KLHL29: variants seen among roughly 807,000 people sequenced by gnomAD.
KLHL29 encodes the protein kelch like family member 29, also known as kelch-like protein 29.
Under a neutral mutation model 80.4 loss-of-function variants are expected in KLHL29, and 21 were observed. The ratio of observed to expected loss-of-function variants is 0.26; its 90% CI spans 0.19 to 0.38. The LOEUF (loss-of-function observed/expected upper bound fraction) is 0.38. Ranked by LOEUF, KLHL29 falls within the 10% of genes least tolerant of loss-of-function variation. KLHL29 has a pLI of 1.00. For missense variants in KLHL29, 867 were observed against 1,223.9 expected (o/e 0.71, Z 4.35); for synonymous variants, 511 against 526.8 (o/e 0.97, Z 0.41).
chr2:23,684,038 G>T lies in KLHL29; in HGVS notation c.941-361G>T, dbSNP rs1045744333. 1.3e-5 allele frequency among the ~76,000 whole-genome samples: 2 copies of T among 152,162 alleles called. 1 individual carries two copies. The highest frequency in any genetic ancestry group is 1.3e-4 in the Admixed American group (2 of 15,290). Reference sequence around the variant, plus strand: ...CATTGGCATTTGGAGAACTTGCTCCGTAGTTATTTGACAGTTTTTAGTTGT... The same window carrying T: ...CATTGGCATTTGGAGAACTTGCTCCTTAGTTATTTGACAGTTTTTAGTTGT... On this transcript the variant is annotated intron_variant, in intron 5 of 13. Transcript: ENST00000486442. The surrounding 1 kb of genome is among the most constrained non-coding windows in gnomAD (Gnocchi z 4.4).
intron 2 of KLHL29, among the ~76,000 whole-genome samples, chr2:23,496,170 C>G (rs1665261327): frequency 6.6e-6 from 1 of 152,218 alleles, no homozygotes; most frequent in Non-Finnish European, 1.5e-5. Flanking sequence ...CCCGCTGCAG[C>G]AGTGGGATAT....
chr2:23,655,290 G>A (rs975800611), intron 5 of KLHL29, among the ~76,000 whole-genome samples: 2 of 152,176 alleles, frequency 1.3e-5, no homozygotes, highest in African/African-American at 2.4e-5. Context: ...AAAGTTAATG[G>A]AGCCAGTCAT....
chr2:23,653,072 T>C (rs1670130285), intron 5 of KLHL29, among the ~76,000 whole-genome samples: 1 of 152,184 alleles, frequency 6.6e-6, no homozygotes, highest in African/African-American at 2.4e-5. Flanking sequence ...CCTTCCTCTC[T>C]GCTGATGGGA....
chr2:23,704,623 C>A (rs902658086), intron 13 of KLHL29, among the ~76,000 whole-genome samples: 7 of 152,166 alleles, frequency 4.6e-5, no homozygotes, highest in African/African-American at 1.7e-4. Flanking sequence ...AAAAATTTGC[C>A]AGGCGTGGTG....
At chr2:23,422,422 G>A (rs752598188) in intron 1 of KLHL29, among the ~76,000 whole-genome samples, 1 of 151,662 alleles carries the variant, frequency 6.6e-6, no homozygotes, top group Non-Finnish European at 1.5e-5. Context: ...TGTTGTGTGT[G>A]TGCCTGTGTG....
chr2:23,704,214 G>T (rs1048709002), intron 13 of KLHL29, among the ~76,000 whole-genome samples: 7 of 152,238 alleles, frequency 4.6e-5, no homozygotes, highest in African/African-American at 1.7e-4. Context: ...GGCCAGAGCT[G>T]TGTGATGCCC....
intron 2 of KLHL29, among the ~76,000 whole-genome samples, chr2:23,519,081 C>T (rs979702019): frequency 6.6e-6 from 1 of 152,134 alleles, no homozygotes; most frequent in Non-Finnish European, 1.5e-5. Context: ...CAGACCATGC[C>T]CTGGAATGCA....
At chr2:23,670,995 T>TCCCTCCC (rs1670727205) in intron 5 of KLHL29, among the ~76,000 whole-genome samples, 2 of 29,806 alleles carry the variant, frequency 6.7e-5, no homozygotes, top group African/African-American at 2.2e-4. Flanking sequence ...CCTCCCTCCC[T>TCCCTCCC]CCCTCCCCCC....
chr2:23,527,039 C>T (rs1049022434), intron 2 of KLHL29, among the ~76,000 whole-genome samples: 1 of 152,148 alleles, frequency 6.6e-6, no homozygotes, highest in African/African-American at 2.4e-5. Context: ...TGTTGTGTCA[C>T]TTCCCTGCTA....
At chr2:23,563,174 C>T (rs1667495015) in intron 3 of KLHL29, among the ~76,000 whole-genome samples, 1 of 152,240 alleles carries the variant, frequency 6.6e-6, no homozygotes, top group African/African-American at 2.4e-5. Flanking sequence ...TGGCTCCAGC[C>T]TTGGGAATGG....
Position 23,691,676 on chromosome 2 carries a change from C to T in KLHL29, c.1082C>T (p.Ser361Phe), listed in dbSNP as rs1197711391. Residue 361 changes from serine to phenylalanine, a missense_variant and splice_region_variant, in exon 7 of 14, where the codon TCC (serine) becomes TTC (phenylalanine). Transcript: ENST00000486442. The stretch of plus-strand genomic sequence containing the variant: ...GACACCCTGGTCTCTGTGCCTAGGT[C>T]CGTGCAAGACAGCGGCCAGGGCGGC... ...SLYFKDLIQRSVQDSGQGGRE... is the reference protein window; with the variant it reads ...SLYFKDLIQRFVQDSGQGGRE... 6.4e-7 allele frequency: 1 copy of T among 1,551,666 alleles called. No individual in the cohort carries two copies. Among genetic ancestry groups the T allele is most frequent in the East Asian group, 2.4e-5 (1 of 40,926 alleles).
chr2:23,525,729 C>T (rs895193178), intron 2 of KLHL29, among the ~76,000 whole-genome samples: 30 of 54,820 alleles, frequency 5.5e-4, no homozygotes, highest in African/African-American at 2.5e-3. Context: ...AGCCCCTGCC[C>T]CCCCCCCCCA....
intron 7 of KLHL29, among the ~76,000 whole-genome samples, chr2:23,692,789 G>A (rs973856536): frequency 7.2e-5 from 11 of 152,104 alleles, no homozygotes; most frequent in Non-Finnish European, 1.3e-4. Flanking sequence ...AGAGCCTAGC[G>A]AGCCAGATTG....
chr2:23,626,368 C>T (rs1406421085), intron 3 of KLHL29, among the ~76,000 whole-genome samples: 1 of 152,210 alleles, frequency 6.6e-6, no homozygotes, highest in Admixed American at 6.5e-5. Context: ...TAACAGGCCA[C>T]AGGCTGGGTC....
intron 3 of KLHL29, among the ~76,000 whole-genome samples, chr2:23,580,067 T>G (rs902324172): frequency 1.5e-4 from 23 of 152,182 alleles, no homozygotes; most frequent in African/African-American, 5.3e-4. Flanking sequence ...TAAAAGAAAT[T>G]CCACGTAAAA....
chr2:23,397,275 GC>G (rs1000922124), intron 1 of KLHL29, among the ~76,000 whole-genome samples: 2 of 152,228 alleles, frequency 1.3e-5, no homozygotes, highest in African/African-American at 4.8e-5. Flanking sequence ...CCTGGCCCTT[GC>G]CCCTCCCCAC....
chr2:23,634,416 A>G (rs1669554565), intron 3 of KLHL29, among the ~76,000 whole-genome samples: 1 of 152,144 alleles, frequency 6.6e-6, no homozygotes, highest in South Asian at 2.1e-4. Context: ...TTGGGCCCCC[A>G]TCCATCTGCC....
intron 1 of KLHL29, among the ~76,000 whole-genome samples, chr2:23,437,009 A>T (rs1663363361): frequency 6.6e-6 from 1 of 152,228 alleles, no homozygotes; most frequent in African/African-American, 2.4e-5. Flanking sequence ...ACTGGTTTCC[A>T]TCCAGTGTAG....
At position 23,626,127 on chromosome 2, in the gene KLHL29, A is replaced by T. The variant is rs11125146; in HGVS notation, c.286-13012A>T. Among the ~76,000 whole-genome samples, 19 of 152,122 alleles carry T rather than the reference A, an allele frequency of 1.2e-4. No individual in the cohort carries two copies. The East Asian group carries it at 3.7e-3, about 29-fold the overall frequency. ...GGGGGGGCAGTTTCTGGATGAAACT[A>T]TTCCACCTCCGATCATCAGACATTA... On this transcript the variant is annotated intron_variant, in intron 3 of 13. Transcript: ENST00000486442.
Sources: allele counts gnomAD v4.1 joint callset (sites outside exome capture counted in the v4.1 genomes callset), GRCh38; gene constraint gnomAD v4.1.1; non-coding constraint Gnocchi (gnomAD v3.1); transcripts MANE v1.5; gene names NCBI Gene and HGNC (gene_info 2026-07-23, HGNC 2026-07-21).